The following FAF1 variants were observed in gnomAD, a reference collection of about 807,000 sequenced individuals.
FAF1 encodes Fas associated factor 1.
A neutral mutation model predicts 92.5 loss-of-function variants in FAF1; 25 were observed. That is an observed-to-expected ratio of 0.27 (90% CI 0.20 to 0.38). The LOEUF is 0.38. Ranked by LOEUF, FAF1 falls within the 10% of genes least tolerant of loss-of-function variation. The probability of loss-of-function intolerance (pLI) is 1.00; values close to 1 mark genes in which losing one functional copy is unlikely to be tolerated. For missense variants in FAF1, 636 were observed against 793.3 expected, an observed-to-expected ratio of 0.80 and a Z score of 2.38; for synonymous variants, 234 against 273.2, an observed-to-expected ratio of 0.86 and a Z score of 1.42.
intron 8 of FAF1, among the ~76,000 whole-genome samples, chr1:50,642,341 A>G (rs564247000): frequency 6.6e-6 from 1 of 151,218 alleles, no homozygotes; most frequent in African/African-American, 2.4e-5. Context: ...AGATCAACCT[A>G]TTGTTCTCAT....
At chr1:50,468,209 AAACAACAAC>A (rs936543176) in intron 18 of FAF1, among the ~76,000 whole-genome samples, 6 of 151,956 alleles carry the variant, frequency 3.9e-5, no homozygotes, top group African/African-American at 1.4e-4. Context: ...ACTCTGTCTC[AAACAACAAC>A]AACAACAACA....
rs17106377 is a variant in FAF1 at position 50,941,874 on chromosome 1, T to C, written c.45+17893A>G. Reference sequence around the variant, plus strand: ...TTAAAATTCATGTAAATTTTATACATACTTTGTGAAAATGATTTTTAATAT... The same window carrying C: ...TTAAAATTCATGTAAATTTTATACACACTTTGTGAAAATGATTTTTAATAT... On this transcript the variant is annotated intron_variant, in intron 1 of 18. Coordinates refer to ENST00000396153, the MANE Select transcript of FAF1 (RefSeq NM_007051.3). Among the ~76,000 whole-genome samples the C allele has an allele frequency of 9.0e-3, 1,364 of 152,376 alleles. 21 individuals are homozygous for C. The highest frequency in any genetic ancestry group is 0.03 in the African/African-American group (1,235 of 41,588).
At chr1:50,750,818 T>C (rs1473626165) in intron 4 of FAF1, among the ~76,000 whole-genome samples, 2 of 151,648 alleles carry the variant, frequency 1.3e-5, no homozygotes, top group African/African-American at 4.8e-5. Context: ...AGACGGGGGT[T>C]AACCATGCAG....
At chr1:50,637,948 T>C (rs187046971) in intron 8 of FAF1, among the ~76,000 whole-genome samples, 1 of 152,136 alleles carries the variant, frequency 6.6e-6, no homozygotes, top group African/African-American at 2.4e-5. Flanking sequence ...ATGATCATGG[T>C]AGCTCATTCC....
chr1:50,595,387 C>A (rs1352303946), intron 9 of FAF1, among the ~76,000 whole-genome samples: 2 of 151,990 alleles, frequency 1.3e-5, no homozygotes, highest in Non-Finnish European at 2.9e-5. Flanking sequence ...TGACTCTCAG[C>A]ACTTTGGTAT....
intron 1 of FAF1, among the ~76,000 whole-genome samples, chr1:50,925,924 T>C (rs1281842818): frequency 1.3e-5 from 2 of 152,162 alleles, no homozygotes; most frequent in Non-Finnish European, 2.9e-5. Context: ...TGAAAAAGAA[T>C]GGAATTGGGC....
At chr1:50,854,946 C>G (rs543193622) in intron 2 of FAF1, among the ~76,000 whole-genome samples, 3 of 151,676 alleles carry the variant, frequency 2.0e-5, no homozygotes, top group African/African-American at 7.2e-5. Flanking sequence ...AAAGGAAATG[C>G]TCGATGGAAC....
chr1:50,736,370 G>A (rs1330633359), intron 6 of FAF1, among the ~76,000 whole-genome samples: 1 of 152,188 alleles, frequency 6.6e-6, no homozygotes, highest in Non-Finnish European at 1.5e-5. Context: ...CTAGTACAAA[G>A]CAAGTTTATC....
intron 15 of FAF1, among the ~76,000 whole-genome samples, chr1:50,496,945 G>A (rs1646906506): frequency 6.6e-6 from 1 of 151,740 alleles, no homozygotes; most frequent in South Asian, 2.1e-4. Context: ...TGTAAGTGAA[G>A]TTGGAGTCTG....
chr1:50,858,195 T>C (rs374113479), intron 1 of FAF1, among the ~76,000 whole-genome samples, 198 bp from the exon 2 acceptor site: 46 of 151,948 alleles, frequency 3.0e-4, no homozygotes, highest in African/African-American at 1.1e-3. Flanking sequence ...TAAATTTACA[T>C]TGCTCTGAAA....
chr1:50,680,074 T>C (rs902587999), intron 7 of FAF1, among the ~76,000 whole-genome samples: 3 of 152,216 alleles, frequency 2.0e-5, no homozygotes, highest in African/African-American at 7.2e-5. Flanking sequence ...GAATTAATTA[T>C]AATTCAGAAT....
At chr1:50,597,850 GCACTTAA>G (rs1372601874) in intron 8 of FAF1, among the ~76,000 whole-genome samples, 2 of 152,272 alleles carry the variant, frequency 1.3e-5, no homozygotes, top group Admixed American at 1.3e-4. Flanking sequence ...GAAAAGGCAG[GCACTTAA>G]CAAATTCTTG....
intron 8 of FAF1, among the ~76,000 whole-genome samples, chr1:50,645,203 T>C (rs545193071): frequency 6.6e-6 from 1 of 152,232 alleles, no homozygotes; most frequent in South Asian, 2.1e-4. Context: ...AAAAAGTCAG[T>C]GAAAATGTCC....
chr1:50,802,932 G>C (rs570474284), intron 2 of FAF1, among the ~76,000 whole-genome samples: 1 of 152,138 alleles, frequency 6.6e-6, no homozygotes, highest in Admixed American at 6.5e-5. Context: ...TCACACCATC[G>C]TACTGTTGAA....
chr1:50,698,614 T>C (rs1657332156), intron 7 of FAF1, among the ~76,000 whole-genome samples: 2 of 152,150 alleles, frequency 1.3e-5, no homozygotes, highest in East Asian at 3.8e-4. Context: ...ATCTTTCATA[T>C]TTTTTCTTGA....
chr1:50,550,519 C>G (rs539431562), intron 13 of FAF1, among the ~76,000 whole-genome samples: 1 of 152,218 alleles, frequency 6.6e-6, no homozygotes, highest in Admixed American at 6.5e-5. Flanking sequence ...TTATTAAGCT[C>G]AATTCAGACA....
intron 8 of FAF1, among the ~76,000 whole-genome samples, chr1:50,608,972 ATATC>A (rs1652565314): frequency 6.6e-6 from 1 of 152,230 alleles, no homozygotes; most frequent in African/African-American, 2.4e-5. Context: ...ATCAACCAAT[ATATC>A]TATCTATGCT....
At chr1:50,697,853 C>T (rs1657300704) in intron 7 of FAF1, among the ~76,000 whole-genome samples, 2 of 151,690 alleles carry the variant, frequency 1.3e-5, no homozygotes, top group South Asian at 4.2e-4. Flanking sequence ...ATACTATAGC[C>T]CTATATTGAG....
intron 1 of FAF1, among the ~76,000 whole-genome samples, chr1:50,953,912 TAATC>T (rs1307997861): frequency 6.6e-6 from 1 of 151,808 alleles, no homozygotes; most frequent in Non-Finnish European, 1.5e-5. Context: ...AAGGGACTCT[TAATC>T]TATGACCAAT....
Sources: allele counts gnomAD v4.1 joint callset (sites outside exome capture counted in the v4.1 genomes callset), GRCh38; gene constraint gnomAD v4.1.1; transcripts MANE v1.5; gene names NCBI Gene and HGNC (gene_info 2026-07-23, HGNC 2026-07-21).